The following MS4A7 variants were observed in gnomAD, a reference collection of about 807,000 sequenced individuals.
MS4A7 encodes membrane-spanning 4-domains subfamily A member 7.
In MS4A7, 21 loss-of-function variants were observed where a neutral mutation model predicts 23.5. The observed-to-expected ratio is 0.89, with a 90% CI of 0.63 to 1.29. The LOEUF is 1.29. Ranked by LOEUF, MS4A7 falls within the 50% of genes most tolerant of loss-of-function variation. MS4A7 has a pLI of 0.00. For synonymous variants in MS4A7, 111 were observed against 107.4 expected (o/e 1.03, Z -0.21); for missense variants, 263 against 274.2 (o/e 0.96, Z 0.29).
Position 60,383,172 on chromosome 11 carries a change from T to C in MS4A7, c.31T>C (p.Ser11Pro). The C allele has an allele frequency of 6.2e-7, 1 of 1,614,080 alleles. No homozygotes were observed. Among genetic ancestry groups the C allele is most frequent in the East Asian group, 2.2e-5 (1 of 44,886 alleles). Residue 11 changes from serine to proline, a missense_variant, in exon 2 of 7, where the codon TCT becomes CCT. Coordinates refer to ENST00000300184, the MANE Select transcript of MS4A7 (RefSeq NM_021201.5). MLLQSQTMGV[S>P]HSFTPKGITI... ...ATTACAATCCCAAACCATGGGGGTT[T>C]CTCACAGCTTTACACCAAAGGGCAT...
intron 3 of MS4A7, 133 bp from the exon 4 acceptor site, chr11:60,386,584 T>C (rs2085490830): frequency 1.5e-6 from 1 of 682,088 alleles, no homozygotes; most frequent in Admixed American, 2.4e-5. Flanking sequence ...GCAATATAGA[T>C]CCACAAGATT....
chr11:60,390,295 C>A (rs1362613754), intron 5 of MS4A7, among the ~76,000 whole-genome samples: 1 of 152,214 alleles, frequency 6.6e-6, no homozygotes, highest in African/African-American at 2.4e-5. Flanking sequence ...ATGATCACTA[C>A]CTGTTCGTGG....
chr11:60,387,680 A>C (rs2085506739), intron 4 of MS4A7, among the ~76,000 whole-genome samples: 1 of 152,242 alleles, frequency 6.6e-6, no homozygotes, highest in African/African-American at 2.4e-5. Context: ...TGCCACTGCC[A>C]ACATACCCCT....
chr11:60,395,699 T>C lies in MS4A7; in HGVS notation c.*1838T>C, dbSNP rs2085608988. The C allele has an allele frequency of 6.6e-6, 1 of 152,218 alleles. No individual in the cohort carries two copies. The highest frequency in any genetic ancestry group is 2.1e-4 in the South Asian group (1 of 4,834). The allele number at this position is 152,218 out of a possible 1,614,324, so 9.4% of individuals were successfully genotyped here. On this transcript the variant is annotated 3_prime_UTR_variant, in exon 7 of 7. Coordinates refer to ENST00000300184, the MANE Select transcript of MS4A7 (RefSeq NM_021201.5). ...GTTATAAAGGGGCAACTCCATCTGG[T>C]CCTATAGCATCTTTACTACTGATTT...
Position 60,394,141 on chromosome 11 carries a change from G to A in MS4A7, c.*280G>A. On this transcript the variant is annotated 3_prime_UTR_variant, in exon 7 of 7. Transcript: ENST00000300184. Reference sequence around the variant, plus strand: ...TGAGCAGAAGGTGATACACAGAAGGGAAAATGTGCACTCATGCTAGTGTGA... The same window carrying A: ...TGAGCAGAAGGTGATACACAGAAGGAAAAATGTGCACTCATGCTAGTGTGA... The A allele has an allele frequency of 3.9e-6, 1 of 255,778 alleles. No homozygotes were observed. The highest frequency in any genetic ancestry group is 7.3e-6 in the Non-Finnish European group (1 of 136,842). 15.8% of individuals were successfully genotyped at this position (255,778 alleles called of 1,614,324 possible). A position where few individuals can be genotyped will look rare whatever the true frequency, so the allele number is the denominator to read the frequency against.
chr11:60,387,127 C>G (rs1056775285), intron 4 of MS4A7, among the ~76,000 whole-genome samples: 1 of 152,202 alleles, frequency 6.6e-6, no homozygotes, highest in Non-Finnish European at 1.5e-5. Context: ...CAGAGAGAGC[C>G]TACAGATCCT....
At position 60,394,149 on chromosome 11, in the gene MS4A7, G is replaced by A. The variant is rs2085584572; in HGVS notation, c.*288G>A. 2 of 244,080 alleles carry A rather than the reference G, an allele frequency of 8.2e-6. No individual in the cohort carries two copies. Among genetic ancestry groups the A allele is most frequent in the African/African-American group, 2.2e-5 (1 of 44,548 alleles). The allele number at this position is 244,080 out of a possible 1,614,324, so 15.1% of individuals were successfully genotyped here. On this transcript the variant is annotated 3_prime_UTR_variant, in exon 7 of 7. Transcript: ENST00000300184. ...AGGTGATACACAGAAGGGAAAATGT[G>A]CACTCATGCTAGTGTGAATTTGGTA...
chr11:60,393,466 C>T (rs2085575566), intron 6 of MS4A7, among the ~76,000 whole-genome samples: 1 of 152,126 alleles, frequency 6.6e-6, no homozygotes, highest in South Asian at 2.1e-4. Context: ...TTATGCTTCC[C>T]TGTGCTCTTC....
Position 60,389,395 on chromosome 11 carries a change from G to A in MS4A7, c.345G>A (p.Leu115=). 1 of 1,610,070 alleles carries A rather than the reference G, an allele frequency of 6.2e-7. No individual in the cohort carries two copies. The highest frequency in any genetic ancestry group is 8.5e-7 in the Non-Finnish European group (1 of 1,177,972). ...SGKQSTKPFD[L]SSLTSNAVSS... Reference sequence around the variant, plus strand: ...ATGCAGAGTTTCTCTTCCAGGACCTGAGCAGCTTGACCTCAAATGCAGTGA... The same window carrying A: ...ATGCAGAGTTTCTCTTCCAGGACCTAAGCAGCTTGACCTCAAATGCAGTGA... The change falls in exon 5 of 7, where the codon CTG becomes CTA. Residue 115 remains leucine, a synonymous_variant. Transcript: ENST00000300184.
At chr11:60,378,775 T>C (rs1369285540) in intron 1 of MS4A7, 111 bp downstream of exon 1, 1 of 152,258 alleles carries the variant, frequency 6.6e-6, no homozygotes, top group African/African-American at 2.4e-5. Context: ...CCTGTGTGAG[T>C]TGGAGCGTCA....
intron 6 of MS4A7, 124 bp from the exon 7 acceptor site, chr11:60,393,663 A>G (rs1294283458): frequency 1.9e-6 from 1 of 540,352 alleles, no homozygotes; most frequent in Non-Finnish European, 3.2e-6. Flanking sequence ...TGCTGCAATT[A>G]CATATTATGG....
intron 1 of MS4A7, 149 bp from the exon 2 acceptor site, chr11:60,382,980 C>A: frequency 1.3e-6 from 1 of 786,952 alleles, no homozygotes; most frequent in Non-Finnish European, 2.0e-6. Context: ...TCCAATGCTC[C>A]ACTGATCCCC....
chr11:60,384,566 T>G (rs1244740806), intron 2 of MS4A7, among the ~76,000 whole-genome samples: 1 of 152,266 alleles, frequency 6.6e-6, no homozygotes, highest in Non-Finnish European at 1.5e-5. Context: ...CAATTGCACA[T>G]GCATTAAACT....
chr11:60,393,447 C>T (rs1234654253), intron 6 of MS4A7, among the ~76,000 whole-genome samples: 1 of 152,164 alleles, frequency 6.6e-6, no homozygotes, highest in South Asian at 2.1e-4. Flanking sequence ...TAGAATGTCT[C>T]TGTCCTGTTT....
At chr11:60,383,532 TA>T (rs1243353936) in intron 2 of MS4A7, 1 of 214,700 alleles carries the variant, frequency 4.7e-6, no homozygotes, top group African/African-American at 2.3e-5. Context: ...TTTCTTATTT[TA>T]TTTATTTATA....
intron 2 of MS4A7, among the ~76,000 whole-genome samples, chr11:60,384,668 C>A (rs111502760): frequency 3.0e-4 from 45 of 152,168 alleles, no homozygotes; most frequent in Non-Finnish European, 6.0e-4. Context: ...CAATGATGAA[C>A]AAAATAAGAT....
intron 2 of MS4A7, 153 bp downstream of exon 2, chr11:60,383,441 C>G (rs1337122301): frequency 1.8e-5 from 13 of 723,162 alleles, no homozygotes; most frequent in South Asian, 6.5e-5. Context: ...AGGGAAGACT[C>G]TTAAAGCTCT....
At chr11:60,381,098 G>A (rs896102625) in intron 1 of MS4A7, among the ~76,000 whole-genome samples, 2 of 152,148 alleles carry the variant, frequency 1.3e-5, no homozygotes, top group Admixed American at 6.5e-5. Context: ...TTCATAGTAC[G>A]TGCCCAATCA....
chr11:60,386,245 C>T (rs1350204465), intron 3 of MS4A7, among the ~76,000 whole-genome samples: 1 of 152,180 alleles, frequency 6.6e-6, no homozygotes, highest in Non-Finnish European at 1.5e-5. Context: ...TTCCCACTTT[C>T]CTCGACTCCC....
Sources: allele counts gnomAD v4.1 joint callset (sites outside exome capture counted in the v4.1 genomes callset), GRCh38; gene constraint gnomAD v4.1.1; transcripts MANE v1.5; gene names NCBI Gene and HGNC (gene_info 2026-07-23, HGNC 2026-07-21).